Variants in RHBDD1 observed in about 807,000 individuals in gnomAD.
RHBDD1 encodes rhomboid-related protein 4.
RHBDD1 carries 38 observed loss-of-function variants against 36.3 expected under a neutral mutation model. The observed-to-expected ratio is 1.05, with a 90% CI of 0.81 to 1.37. The LOEUF (loss-of-function observed/expected upper bound fraction) is 1.37. Among genes scored for constraint, RHBDD1 ranks in the 40% most tolerant of loss-of-function variants. The pLI is 0.00. For missense variants in RHBDD1, 393 were observed against 377.6 expected (o/e 1.04, Z -0.34); for synonymous variants, 151 against 136.5 (o/e 1.11, Z -0.74).
intron 3 of RHBDD1, among the ~76,000 whole-genome samples, chr2:226,844,537 C>T (rs1942015737): frequency 6.6e-6 from 1 of 152,162 alleles, no homozygotes; most frequent in Admixed American, 6.5e-5. Context: ...ACACTTCTTA[C>T]ACAGATTAAT....
intron 8 of RHBDD1, among the ~76,000 whole-genome samples, chr2:226,959,833 T>G (rs1952051403): frequency 1.3e-5 from 2 of 152,158 alleles, no homozygotes; most frequent in African/African-American, 2.4e-5. Flanking sequence ...TTGTTTATTT[T>G]TTGTTTTGAT....
chr2:226,804,141 T>C, the RHBDD1 span: 1 of 152,204 alleles, frequency 6.6e-6, no homozygotes, highest in South Asian at 2.1e-4. Flanking sequence ...GCTTCTCTCT[T>C]TTCAATCACA....
intron 5 of RHBDD1, among the ~76,000 whole-genome samples, chr2:226,876,677 C>T (rs530145791): frequency 6.6e-6 from 1 of 151,990 alleles, no homozygotes; most frequent in African/African-American, 2.4e-5. Context: ...ATCATAAAAC[C>T]CATTTAGACT....
intron 8 of RHBDD1, among the ~76,000 whole-genome samples, chr2:226,932,160 A>G (rs1170947439): frequency 6.6e-6 from 1 of 152,086 alleles, no homozygotes; most frequent in Non-Finnish European, 1.5e-5. Context: ...TTTTATTAGC[A>G]TACTATATTA....
intron 5 of RHBDD1, among the ~76,000 whole-genome samples, chr2:226,888,877 C>T (rs1036694415): frequency 3.3e-5 from 5 of 152,002 alleles, no homozygotes; most frequent in Admixed American, 6.5e-5. Context: ...AGAATCTGCA[C>T]GTTAGGAATT....
chr2:226,976,291 AC>A (rs545800287), intron 8 of RHBDD1, among the ~76,000 whole-genome samples: 5 of 146,558 alleles, frequency 3.4e-5, no homozygotes, highest in Non-Finnish European at 7.5e-5. Context: ...GGATATGCCC[AC>A]CCCCCTGGAG....
the RHBDD1 span, chr2:226,804,611 T>C: frequency 6.6e-6 from 1 of 152,160 alleles, no homozygotes; most frequent in African/African-American, 2.4e-5. Flanking sequence ...TCTAGAGAAC[T>C]GAGGGAAAAT....
chr2:226,988,324 A>G, intron 8 of RHBDD1: 1 of 1,548,508 alleles, frequency 6.5e-7, no homozygotes, highest in Non-Finnish European at 8.7e-7. Context: ...CCACCTGAAC[A>G]TCTGCAGGAA....
At chr2:226,992,192 T>C (rs1958381352) in intron 8 of RHBDD1, among the ~76,000 whole-genome samples, 1 of 152,014 alleles carries the variant, frequency 6.6e-6, no homozygotes, top group South Asian at 2.1e-4. Flanking sequence ...GAAGACAGAG[T>C]GTACCTGAGA....
chr2:226,914,501 A>G (rs1200189959), intron 8 of RHBDD1, 150 bp downstream of exon 8: 1 of 804,702 alleles, frequency 1.2e-6, no homozygotes, highest in Non-Finnish European at 1.9e-6. Context: ...ATTACAAAGA[A>G]TGGGGTGTGA....
At chr2:226,940,510 C>A (rs1466021798) in intron 8 of RHBDD1, among the ~76,000 whole-genome samples, 1 of 152,134 alleles carries the variant, frequency 6.6e-6, no homozygotes, top group Non-Finnish European at 1.5e-5. Context: ...TTACTAAGAT[C>A]ATTTGCTTAA....
intron 8 of RHBDD1, among the ~76,000 whole-genome samples, chr2:226,967,210 A>G (rs1168286927): frequency 6.6e-6 from 1 of 152,094 alleles, no homozygotes; most frequent in Non-Finnish European, 1.5e-5. Context: ...TCAAGTCAGG[A>G]TCTCCCAAGT....
At chr2:226,846,052 T>G (rs1175558103) in intron 3 of RHBDD1, among the ~76,000 whole-genome samples, 4 of 152,192 alleles carry the variant, frequency 2.6e-5, no homozygotes, top group Non-Finnish European at 5.9e-5. Context: ...TGATCTTGGG[T>G]TCTTGTTTTT....
At chr2:226,954,933 G>T (rs901510223) in intron 8 of RHBDD1, among the ~76,000 whole-genome samples, 6 of 152,108 alleles carry the variant, frequency 3.9e-5, no homozygotes, top group Admixed American at 1.3e-4. Flanking sequence ...TGTTAGGGGT[G>T]GGGGCAGGCA....
chr2:226,857,431 T>C (rs777042673), intron 3 of RHBDD1, among the ~76,000 whole-genome samples: 1 of 152,180 alleles, frequency 6.6e-6, no homozygotes, highest in Non-Finnish European at 1.5e-5. Context: ...AATTTCACTC[T>C]TATGTATATA....
intron 7 of RHBDD1, among the ~76,000 whole-genome samples, chr2:226,909,544 G>A (rs183208632): frequency 7.2e-5 from 11 of 152,180 alleles, no homozygotes; most frequent in East Asian, 3.9e-4. Flanking sequence ...AAATTCATAC[G>A]TTGAAACCCT....
intron 5 of RHBDD1, among the ~76,000 whole-genome samples, chr2:226,897,110 G>A (rs937479860): frequency 6.6e-6 from 1 of 152,146 alleles, no homozygotes; most frequent in Non-Finnish European, 1.5e-5. Context: ...CCATCTGAAT[G>A]TTTTAAAATA....
upstream of RHBDD1, among the ~76,000 whole-genome samples, chr2:226,831,131 T>C (rs1200385482): frequency 6.6e-6 from 1 of 152,232 alleles, no homozygotes; most frequent in Non-Finnish European, 1.5e-5. Flanking sequence ...GGTAATAACA[T>C]CCTCACAGAG....
chr2:226,860,654 T>G (rs1227276928), intron 3 of RHBDD1, among the ~76,000 whole-genome samples: 1 of 152,084 alleles, frequency 6.6e-6, no homozygotes, highest in Non-Finnish European at 1.5e-5. Flanking sequence ...GGTAACTGAT[T>G]AGGAAGGAAA....
Sources: allele counts gnomAD v4.1 joint callset (sites outside exome capture counted in the v4.1 genomes callset), GRCh38; gene constraint gnomAD v4.1.1; transcripts MANE v1.5; gene names NCBI Gene and HGNC (gene_info 2026-07-23, HGNC 2026-07-21).